Variants in SHISA6 observed in about 807,000 individuals in gnomAD.
The protein encoded by SHISA6 is protein shisa-6.
Under a neutral mutation model 47.9 loss-of-function variants are expected in SHISA6, and 22 were observed. The observed-to-expected ratio is 0.46, with a 90% CI of 0.33 to 0.66. SHISA6 has a LOEUF of 0.66. Ranked by LOEUF, SHISA6 falls within the 30% of genes least tolerant of loss-of-function variation. SHISA6 has a pLI of 0.02. For synonymous variants in SHISA6, 388 were observed against 337.8 expected (o/e 1.15, Z -1.63); for missense variants, 680 against 764.6 (o/e 0.89, Z 1.30).
chr17:11,257,355 G>A (rs901420199), intron 1 of SHISA6, among the ~76,000 whole-genome samples: 2 of 152,114 alleles, frequency 1.3e-5, no homozygotes, highest in African/African-American at 4.8e-5. Context: ...GTTCTTAAGA[G>A]GTCATTATCA....
intron 2 of SHISA6, among the ~76,000 whole-genome samples, chr17:11,273,615 G>A (rs568506926): frequency 6.2e-4 from 95 of 152,356 alleles, no homozygotes; most frequent in African/African-American, 2.2e-3. Flanking sequence ...GGGATTTGTT[G>A]AGGGCTGACT....
At chr17:11,440,465 G>A (rs567814933) in intron 3 of SHISA6, among the ~76,000 whole-genome samples, 1 of 151,978 alleles carries the variant, frequency 6.6e-6, no homozygotes, top group South Asian at 2.1e-4. Flanking sequence ...TGCCCCGGGA[G>A]TGAATGAAGA....
chr17:11,299,590 C>G (rs1214107221), intron 2 of SHISA6, among the ~76,000 whole-genome samples: 1 of 152,160 alleles, frequency 6.6e-6, no homozygotes, highest in African/African-American at 2.4e-5. Flanking sequence ...TCTGGAGGCT[C>G]TAGGGGAGAA....
chr17:11,276,352 G>C (rs1032476499), intron 2 of SHISA6, among the ~76,000 whole-genome samples: 2 of 152,144 alleles, frequency 1.3e-5, no homozygotes, highest in Admixed American at 1.3e-4. Flanking sequence ...CATCACCCGG[G>C]TGATGGGAGG....
chr17:11,245,897 T>G (rs1469288290), intron 1 of SHISA6, among the ~76,000 whole-genome samples: 1 of 152,168 alleles, frequency 6.6e-6, no homozygotes, highest in African/African-American at 2.4e-5. Flanking sequence ...CTACTCTTTC[T>G]CCCTCCAGAA....
intron 2 of SHISA6, among the ~76,000 whole-genome samples, chr17:11,337,770 C>A (rs564141221): frequency 6.6e-6 from 1 of 152,188 alleles, no homozygotes; most frequent in African/African-American, 2.4e-5. Flanking sequence ...TCTTCACCAT[C>A]AGACCTGAGT....
chr17:11,545,819 T>C (rs183268072), intron 3 of SHISA6, among the ~76,000 whole-genome samples: 8 of 152,190 alleles, frequency 5.3e-5, no homozygotes, highest in Non-Finnish European at 1.0e-4. Flanking sequence ...AGCCCTTTCA[T>C]GTATCCTTCT....
rs1913355188 is a variant in SHISA6 at position 11,390,686 on chromosome 17, T to C, written c.895+11177T>C. 2.6e-5 allele frequency among the ~76,000 whole-genome samples: 4 copies of C among 152,194 alleles called. No homozygotes were observed. The South Asian group carries it at 8.3e-4, about 32-fold the overall frequency. Reference sequence around the variant, plus strand: ...TCATATGCCACACAGTCTCATTCTATATCCTGCATGTTGGAAGCCAGGTTG... The same window carrying C: ...TCATATGCCACACAGTCTCATTCTACATCCTGCATGTTGGAAGCCAGGTTG... On this transcript the variant is annotated intron_variant, in intron 3 of 5. Transcript: ENST00000441885.
At chr17:11,269,385 G>C (rs1362787429) in intron 2 of SHISA6, among the ~76,000 whole-genome samples, 1 of 152,070 alleles carries the variant, frequency 6.6e-6, no homozygotes, top group Non-Finnish European at 1.5e-5. Flanking sequence ...CCTCCTATCT[G>C]GGGCTGACCC....
At chr17:11,481,723 C>T (rs1213648472) in intron 3 of SHISA6, among the ~76,000 whole-genome samples, 1 of 151,942 alleles carries the variant, frequency 6.6e-6, no homozygotes, top group Admixed American at 6.6e-5. Context: ...GAACTCCTGA[C>T]CTCATGATCC....
chr17:11,250,925 C>T (rs529292618), intron 1 of SHISA6, among the ~76,000 whole-genome samples: 320 of 152,078 alleles, frequency 2.1e-3, no homozygotes, highest in African/African-American at 7.4e-3. Flanking sequence ...TGCCGGGTCT[C>T]GAGGGCTTAC....
intron 2 of SHISA6, among the ~76,000 whole-genome samples, chr17:11,283,913 T>C (rs1014004527): frequency 7.2e-5 from 11 of 152,218 alleles, no homozygotes; most frequent in Admixed American, 3.3e-4. Flanking sequence ...TTTTGTGTGC[T>C]TTGCGCTTCA....
chr17:11,359,095 CATGGGTGTACATTCATGGTG>C (rs1189263975), intron 2 of SHISA6, among the ~76,000 whole-genome samples: 1 of 152,168 alleles, frequency 6.6e-6, no homozygotes, highest in Non-Finnish European at 1.5e-5. Flanking sequence ...CTTCTGTGAA[CATGGGTGTACATTCATGGTG>C]ATTTTTGACA....
intron 2 of SHISA6, among the ~76,000 whole-genome samples, chr17:11,333,487 G>GTTC (rs759611473): frequency 2.2e-4 from 34 of 152,064 alleles, no homozygotes; most frequent in Non-Finnish European, 3.7e-4. Context: ...AAAACTCTAT[G>GTTC]TTCTTCTTCT....
At chr17:11,390,708 G>A (rs538101598) in intron 3 of SHISA6, among the ~76,000 whole-genome samples, 1 of 152,244 alleles carries the variant, frequency 6.6e-6, no homozygotes, top group Non-Finnish European at 1.5e-5. Flanking sequence ...TGGAAGCCAG[G>A]TTGTCCCATA....
chr17:11,552,854 G>A (rs1387662946), intron 4 of SHISA6, among the ~76,000 whole-genome samples: 1 of 152,190 alleles, frequency 6.6e-6, no homozygotes, highest in Non-Finnish European at 1.5e-5. Context: ...AGGTTGTGGG[G>A]TCTAAAAAGT....
intron 3 of SHISA6, among the ~76,000 whole-genome samples, chr17:11,487,369 T>C (rs948629741): frequency 6.6e-6 from 1 of 152,258 alleles, no homozygotes; most frequent in Non-Finnish European, 1.5e-5. Flanking sequence ...TCTCAATTGT[T>C]ATTTTTCATT....
At chr17:11,400,523 A>G (rs956994477) in intron 3 of SHISA6, among the ~76,000 whole-genome samples, 2 of 152,036 alleles carry the variant, frequency 1.3e-5, no homozygotes, top group East Asian at 1.9e-4. Context: ...AGCTTCTGTC[A>G]ACTCATTTCC....
At chr17:11,525,533 G>A (rs1028501340) in intron 3 of SHISA6, among the ~76,000 whole-genome samples, 7 of 150,834 alleles carry the variant, frequency 4.6e-5, no homozygotes, top group East Asian at 3.9e-4. Context: ...CTCCAGAGGC[G>A]GAGGCAGGAG....
Sources: gnomAD v4.1 joint callset for allele counts (sites outside exome capture counted in the v4.1 genomes callset) on GRCh38, gnomAD v4.1.1 for gene constraint, MANE v1.5 for transcripts, NCBI Gene and HGNC (gene_info 2026-07-23, HGNC 2026-07-21) for gene names.